IL36B: variants seen among roughly 807,000 people sequenced by gnomAD.
IL36B encodes interleukin 36 beta.
A neutral mutation model predicts 19.3 loss-of-function variants in IL36B; 23 were observed. The observed-to-expected ratio is 1.19, with a 90% CI of 0.86 to 1.69. IL36B has a LOEUF of 1.69. Ranked by LOEUF, IL36B falls within the 40% of genes most tolerant of loss-of-function variation. The pLI, the probability that IL36B is intolerant of heterozygous loss-of-function variation, is 0.00. For synonymous variants in IL36B, 59 were observed against 59.7 expected (o/e 0.99, Z 0.05); for missense variants, 217 against 200.5 (o/e 1.08, Z -0.50).
At chr2:113,051,650 G>T (rs944412084) in intron 1 of IL36B, among the ~76,000 whole-genome samples, 1 of 152,202 alleles carries the variant, frequency 6.6e-6, no homozygotes. Flanking sequence ...GGCATCCAGG[G>T]TTTCTCGAAA....
chr2:113,027,987 G>A (rs770671147), intron 4 of IL36B: 1 of 1,614,184 alleles, frequency 6.2e-7, no homozygotes, highest in South Asian at 1.1e-5. Flanking sequence ...CTGATGTGGT[G>A]GAGGTGGCTA....
chr2:113,027,169 G>A (rs1684977564), intron 4 of IL36B, among the ~76,000 whole-genome samples: 2 of 149,200 alleles, frequency 1.3e-5, no homozygotes, highest in Admixed American at 6.6e-5. Context: ...AGTGGGAGTG[G>A]ATCATCATAA....
intron 1 of IL36B, among the ~76,000 whole-genome samples, chr2:113,040,296 G>A (rs1192261038): frequency 2.0e-5 from 3 of 152,154 alleles, no homozygotes; most frequent in Non-Finnish European, 2.9e-5. Context: ...AAAGTCTACA[G>A]CTCATACTTA....
intron 1 of IL36B, among the ~76,000 whole-genome samples, chr2:113,039,310 A>C (rs1165608409): frequency 6.6e-6 from 1 of 152,204 alleles, no homozygotes; most frequent in African/African-American, 2.4e-5. Flanking sequence ...GGGAACACCC[A>C]AAGAGGGAAA....
At chr2:113,050,545 C>A (rs558325805) in intron 1 of IL36B, among the ~76,000 whole-genome samples, 96 of 152,142 alleles carry the variant, frequency 6.3e-4, no homozygotes, top group African/African-American at 2.1e-3. Context: ...GGTTGCCCAA[C>A]AATGTGAATG....
At chr2:113,026,968 G>A (rs1321657132) in intron 4 of IL36B, among the ~76,000 whole-genome samples, 1 of 152,206 alleles carries the variant, frequency 6.6e-6, no homozygotes, top group Non-Finnish European at 1.5e-5. Context: ...ATGTATAACT[G>A]TTGACTTCAG....
At chr2:113,045,673 C>T (rs1249011483) in intron 1 of IL36B, among the ~76,000 whole-genome samples, 2 of 151,896 alleles carry the variant, frequency 1.3e-5, no homozygotes, top group Non-Finnish European at 2.9e-5. Flanking sequence ...TTTTATTTTT[C>T]ACTTCATAAT....
At chr2:113,050,442 G>A (rs560589343) in intron 1 of IL36B, among the ~76,000 whole-genome samples, 31 of 152,136 alleles carry the variant, frequency 2.0e-4, no homozygotes, top group African/African-American at 3.6e-4. Flanking sequence ...GCCAGGGGCC[G>A]CTGGGGAGAG....
chr2:113,052,401 TG>T (rs1685464971), intron 1 of IL36B, among the ~76,000 whole-genome samples: 1 of 152,206 alleles, frequency 6.6e-6, no homozygotes, highest in Non-Finnish European at 1.5e-5. Context: ...TGAATTAGTA[TG>T]AAGTCAAGCT....
At chr2:113,047,735 A>G (rs542843202) in intron 1 of IL36B, among the ~76,000 whole-genome samples, 134 of 152,310 alleles carry the variant, frequency 8.8e-4, no homozygotes, top group Non-Finnish European at 1.5e-3. Context: ...CAAAGTGTAG[A>G]AAGAAAGAAT....
At chr2:113,025,981 A>G in intron 5 of IL36B, 1 of 1,445,558 alleles carries the variant, frequency 6.9e-7, no homozygotes, top group Non-Finnish European at 9.2e-7. Flanking sequence ...TGTATTCTTG[A>G]ACTTAGACCT....
At chr2:113,031,809 G>T (rs1480620433) in intron 1 of IL36B, 43 bp from the exon 2 acceptor site, 2 of 947,640 alleles carry the variant, frequency 2.1e-6, no homozygotes, top group Non-Finnish European at 3.3e-6. Flanking sequence ...GAAGAAACAT[G>T]TTATGCTTTT....
At chr2:113,037,834 GA>G (rs1183669086) in intron 1 of IL36B, among the ~76,000 whole-genome samples, 2 of 152,134 alleles carry the variant, frequency 1.3e-5, no homozygotes, top group East Asian at 3.8e-4. Context: ...CTATGCTGTA[GA>G]GGTAAATTCT....
chr2:113,045,139 G>A (rs1360568622), intron 1 of IL36B, among the ~76,000 whole-genome samples: 1 of 151,986 alleles, frequency 6.6e-6, no homozygotes, highest in Non-Finnish European at 1.5e-5. Context: ...CTTATTTTCT[G>A]TATTAAAATT....
intron 5 of IL36B, chr2:113,026,036 A>T: frequency 6.4e-7 from 1 of 1,572,174 alleles, no homozygotes. Context: ...CCTCTGAGGA[A>T]CCATGAAGAA....
rs1312903662 is a variant in IL36B, at chr2:113,051,746, C to T, written c.-58+1071G>A. On this transcript the variant is annotated intron_variant, in intron 1 of 5. Coordinates refer to ENST00000259213, the MANE Select transcript of IL36B (RefSeq NM_014438.5). ...GGATGCAGCTGGAGGTCCCCTTCTGCTCACGGCTCCCTGGAGGCTGTGTCT... is the reference window on the plus strand; with the variant it reads ...GGATGCAGCTGGAGGTCCCCTTCTGTTCACGGCTCCCTGGAGGCTGTGTCT... Among the ~76,000 whole-genome samples, 3 of 152,324 alleles carry T rather than the reference C, an allele frequency of 2.0e-5. No individual in the cohort carries two copies. The East Asian group carries it at 5.8e-4, about 29-fold the overall frequency.
At chr2:113,041,295 A>G (rs1273140233) in intron 1 of IL36B, among the ~76,000 whole-genome samples, 1 of 152,232 alleles carries the variant, frequency 6.6e-6, no homozygotes, top group Non-Finnish European at 1.5e-5. Context: ...AGTGATAAAT[A>G]AAACAATCAA....
intron 1 of IL36B, among the ~76,000 whole-genome samples, chr2:113,032,133 C>G (rs76701062): frequency 2.1e-4 from 30 of 144,012 alleles, no homozygotes; most frequent in South Asian, 4.6e-4. Flanking sequence ...GTGTGTGTGT[C>G]TGTGTGTGTG....
At chr2:113,046,922 G>A (rs1685360569) in intron 1 of IL36B, among the ~76,000 whole-genome samples, 2 of 152,314 alleles carry the variant, frequency 1.3e-5, no homozygotes, top group African/African-American at 2.4e-5. Context: ...CACACTTAGA[G>A]CCTGAAGGTT....
Sources: allele counts gnomAD v4.1 joint callset (sites outside exome capture counted in the v4.1 genomes callset), GRCh38; gene constraint gnomAD v4.1.1; transcripts MANE v1.5; gene names NCBI Gene and HGNC (gene_info 2026-07-23, HGNC 2026-07-21).